Variants in NRG3 observed in about 807,000 individuals in gnomAD.
NRG3 encodes pro-neuregulin-3, membrane-bound isoform.
NRG3 carries 31 observed loss-of-function variants against 66.9 expected under a neutral mutation model. The ratio of observed to expected loss-of-function variants is 0.46; its 90% CI spans 0.35 to 0.63. The LOEUF (loss-of-function observed/expected upper bound fraction) is 0.63. NRG3 is among the 20% of genes least tolerant of loss of function. The pLI, the probability that NRG3 is intolerant of heterozygous loss-of-function variation, is 0.00. For missense variants in NRG3, 910 were observed against 878.9 expected (o/e 1.04, Z -0.45); for synonymous variants, 393 against 359.4 (o/e 1.09, Z -1.06).
intron 1 of NRG3, among the ~76,000 whole-genome samples, chr10:82,200,619 A>G (rs1347077758): frequency 1.3e-5 from 2 of 152,044 alleles, no homozygotes; most frequent in Non-Finnish European, 2.9e-5. Context: ...TTTACAACAA[A>G]CCTATGACGC....
chr10:82,150,091 C>G (rs1213303703), intron 1 of NRG3, among the ~76,000 whole-genome samples: 1 of 152,106 alleles, frequency 6.6e-6, no homozygotes, highest in Non-Finnish European at 1.5e-5. Flanking sequence ...AGCCCTGGTA[C>G]CCCTGGACCA....
chr10:82,928,442 G>A (rs1292128617), intron 4 of NRG3, among the ~76,000 whole-genome samples: 1 of 151,962 alleles, frequency 6.6e-6, no homozygotes, highest in Non-Finnish European at 1.5e-5. Flanking sequence ...GTATTGCCTA[G>A]GTTTTCTTCT....
chr10:82,081,287 T>C (rs58989100), intron 1 of NRG3, among the ~76,000 whole-genome samples: 1,942 of 152,296 alleles, frequency 0.013, 37 homozygotes, highest in African/African-American at 0.04. Flanking sequence ...GATGGAATTA[T>C]CTGTTGCAGA....
chr10:82,980,015 G>C (rs1441142177), intron 8 of NRG3, among the ~76,000 whole-genome samples: 1 of 151,912 alleles, frequency 6.6e-6, no homozygotes, highest in Non-Finnish European at 1.5e-5. Context: ...ACCAGCCTGG[G>C]CAACATGGCA....
At chr10:82,860,887 G>A (rs780619581) in intron 3 of NRG3, among the ~76,000 whole-genome samples, 7 of 152,110 alleles carry the variant, frequency 4.6e-5, no homozygotes, top group East Asian at 1.9e-4. Context: ...CACCTGTATC[G>A]CTTGATGTTT....
At chr10:82,712,703 T>C (rs866649955) in intron 2 of NRG3, among the ~76,000 whole-genome samples, 82 of 152,276 alleles carry the variant, frequency 5.4e-4, no homozygotes, top group African/African-American at 1.9e-3. Flanking sequence ...AGTTGTCACC[T>C]GAGCAAGGTC....
At chr10:82,149,748 C>T (rs7899362) in intron 1 of NRG3, among the ~76,000 whole-genome samples, 17,795 of 150,096 alleles carry the variant, frequency 0.12, 1,754 homozygotes, top group African/African-American at 0.27. Context: ...GAATGTCAGA[C>T]TAATAAATGG....
chr10:82,790,666 C>A (rs915599349), intron 3 of NRG3, among the ~76,000 whole-genome samples: 1 of 151,888 alleles, frequency 6.6e-6, no homozygotes, highest in Admixed American at 6.6e-5. Flanking sequence ...ATTCTTTTTG[C>A]CTTATTTTCT....
intron 1 of NRG3, among the ~76,000 whole-genome samples, chr10:82,281,088 A>G (rs1163389747): frequency 1.3e-5 from 2 of 152,166 alleles, no homozygotes; most frequent in Non-Finnish European, 2.9e-5. Flanking sequence ...TAACCCTGGG[A>G]TTACATTGGT....
chr10:82,046,308 G>T (rs1295436783), intron 1 of NRG3, among the ~76,000 whole-genome samples: 1 of 46,578 alleles, frequency 2.1e-5, no homozygotes, highest in African/African-American at 4.3e-5. Flanking sequence ...GGATTCCTAG[G>T]TATTATATTC....
At chr10:82,978,257 G>A (rs566383300) in intron 7 of NRG3, among the ~76,000 whole-genome samples, 3 of 152,224 alleles carry the variant, frequency 2.0e-5, no homozygotes, top group African/African-American at 7.2e-5. Context: ...AGTTTGTTAA[G>A]GCCTGTGGTA....
At chr10:82,939,441 GTTGT>G (rs1848380451) in intron 4 of NRG3, among the ~76,000 whole-genome samples, 1 of 151,332 alleles carries the variant, frequency 6.6e-6, no homozygotes, top group African/African-American at 2.4e-5. Context: ...TGTTGTTGTT[GTTGT>G]TTGTTGTTGT....
chr10:82,134,495 G>A (rs997095396), intron 1 of NRG3, among the ~76,000 whole-genome samples: 3 of 152,078 alleles, frequency 2.0e-5, no homozygotes, highest in African/African-American at 7.2e-5. Flanking sequence ...AGTTATCCCA[G>A]CATCATTTAT....
chr10:82,647,237 G>A (rs1483940647), intron 2 of NRG3, among the ~76,000 whole-genome samples: 1 of 151,836 alleles, frequency 6.6e-6, no homozygotes, highest in Admixed American at 6.6e-5. Flanking sequence ...TCCCACCTAT[G>A]AGTGAGAATA....
At chr10:82,940,514 G>C (rs1454418438) in intron 4 of NRG3, among the ~76,000 whole-genome samples, 2 of 152,070 alleles carry the variant, frequency 1.3e-5, no homozygotes, top group African/African-American at 2.4e-5. Flanking sequence ...CCATTTTCAT[G>C]ACCTCATCTT....
chr10:82,951,817 C>G (rs1379935014), intron 5 of NRG3, among the ~76,000 whole-genome samples: 3 of 152,130 alleles, frequency 2.0e-5, no homozygotes, highest in Non-Finnish European at 4.4e-5. Context: ...AATGATCATT[C>G]CTCTCAGTGA....
chr10:82,065,282 A>G (rs1009789571), intron 1 of NRG3, among the ~76,000 whole-genome samples: 2 of 152,168 alleles, frequency 1.3e-5, no homozygotes, highest in Non-Finnish European at 2.9e-5. Flanking sequence ...CACATAGACA[A>G]TTGCAGAACA....
intron 1 of NRG3, among the ~76,000 whole-genome samples, chr10:81,941,982 T>C (rs979606494): frequency 2.0e-5 from 3 of 152,140 alleles, no homozygotes; most frequent in Admixed American, 1.3e-4. Context: ...GAAGACTACA[T>C]TTTAGAAGTC....
chr10:82,047,124 G>T lies in NRG3; in HGVS notation c.823+170961G>T, dbSNP rs1029061835. The stretch of plus-strand genomic sequence containing the variant: ...GGATTCCCTCTTTTTCTATTGATTG[G>T]AATAGTTTCAGAAGGAATGTTACCA... On this transcript the variant is annotated intron_variant, in intron 1 of 8. Transcript: ENST00000372141. Among the ~76,000 whole-genome samples the T allele has an allele frequency of 2.8e-4, 42 of 151,432 alleles. 1 individual carries two copies. The Middle Eastern group carries it at 0.027, about 98-fold the overall frequency.
Sources: allele counts gnomAD v4.1 joint callset (sites outside exome capture counted in the v4.1 genomes callset), GRCh38; gene constraint gnomAD v4.1.1; transcripts MANE v1.5; gene names NCBI Gene and HGNC (gene_info 2026-07-23, HGNC 2026-07-21).